SMYD3: variants seen among roughly 807,000 people sequenced by gnomAD.
The protein encoded by SMYD3 is histone-lysine N-methyltransferase SMYD3.
A neutral mutation model predicts 57.7 loss-of-function variants in SMYD3; 36 were observed. The ratio of observed to expected loss-of-function variants is 0.62; its 90% CI spans 0.48 to 0.82. The LOEUF is 0.82. SMYD3 is among the 40% of genes least tolerant of loss of function. The pLI is 0.00. For missense variants in SMYD3, 515 were observed against 538.8 expected (o/e 0.96, Z 0.44); for synonymous variants, 211 against 195.0 (o/e 1.08, Z -0.68).
At chr1:246,212,023 C>T (rs2063097429) in intron 5 of SMYD3, among the ~76,000 whole-genome samples, 1 of 151,718 alleles carries the variant, frequency 6.6e-6, no homozygotes, top group Admixed American at 6.6e-5. Flanking sequence ...ATTATATCTA[C>T]AACAGACAAA....
chr1:245,850,761 T>C (rs935053105), intron 10 of SMYD3, among the ~76,000 whole-genome samples: 2 of 152,076 alleles, frequency 1.3e-5, no homozygotes, highest in African/African-American at 4.8e-5. Context: ...AACAAAGCCA[T>C]GTCAAATGAT....
chr1:246,358,133 C>G (rs894915504), intron 1 of SMYD3, among the ~76,000 whole-genome samples: 1 of 152,116 alleles, frequency 6.6e-6, no homozygotes, highest in African/African-American at 2.4e-5. Context: ...ACATTCCATG[C>G]AAATGGGCAC....
chr1:246,273,520 C>A (rs2064268603), intron 5 of SMYD3, among the ~76,000 whole-genome samples: 1 of 146,776 alleles, frequency 6.8e-6, no homozygotes, highest in East Asian at 2.1e-4. Flanking sequence ...CATCTATCTA[C>A]AAGTTTGACA....
chr1:246,264,853 C>G (rs897149402), intron 5 of SMYD3, among the ~76,000 whole-genome samples: 1 of 152,130 alleles, frequency 6.6e-6, no homozygotes, highest in African/African-American at 2.4e-5. Flanking sequence ...TTACTAAGTG[C>G]TATGTTCTAA....
chr1:245,907,148 G>C (rs568696821), intron 8 of SMYD3, among the ~76,000 whole-genome samples: 38 of 152,116 alleles, frequency 2.5e-4, no homozygotes, highest in African/African-American at 7.7e-4. Context: ...CCTACTATTT[G>C]ATAGCACAAT....
At chr1:246,252,469 C>T (rs2063813247) in intron 5 of SMYD3, among the ~76,000 whole-genome samples, 1 of 152,112 alleles carries the variant, frequency 6.6e-6, no homozygotes, top group African/African-American at 2.4e-5. Flanking sequence ...GTCACATAGA[C>T]AGTAAGCAGT....
At chr1:246,447,723 C>T (rs1572510060) in intron 1 of SMYD3, among the ~76,000 whole-genome samples, 1 of 152,228 alleles carries the variant, frequency 6.6e-6, no homozygotes, top group Non-Finnish European at 1.5e-5. Flanking sequence ...CTTCATTCTA[C>T]ACCTTCTCCC....
chr1:246,255,753 G>A (rs1033436476), intron 5 of SMYD3, among the ~76,000 whole-genome samples: 2 of 143,888 alleles, frequency 1.4e-5, no homozygotes, highest in Admixed American at 1.4e-4. Flanking sequence ...ATCTGGCAGC[G>A]AATCCATTTG....
chr1:246,193,480 C>G (rs1379952675), intron 5 of SMYD3, among the ~76,000 whole-genome samples: 3 of 152,182 alleles, frequency 2.0e-5, no homozygotes, highest in African/African-American at 4.8e-5. Context: ...GACTAAGTCC[C>G]TACGACAAAA....
Position 246,481,607 on chromosome 1 carries a change from T to TATAC in SMYD3, c.164+25446_164+25447insGTAT, listed in dbSNP as rs1156393004. ...TTCTCAGGCTCCATATATATATATATACACATACATATATACATACATACA... is the reference window on the plus strand; with the variant it reads ...TTCTCAGGCTCCATATATATATATATATACACACATACATATATACATACATACA... On this transcript the variant is annotated intron_variant, in intron 1 of 11. Transcript: ENST00000490107. Among the ~76,000 whole-genome samples the TATAC allele has an allele frequency of 3.9e-4, 24 of 61,976 alleles. 7 individuals are homozygous for TATAC. The East Asian group carries it at 0.01, about 27-fold the overall frequency. 40.7% of individuals were successfully genotyped at this position (61,976 alleles called of 152,430 possible).
chr1:245,822,506 C>T (rs546957126), intron 10 of SMYD3, among the ~76,000 whole-genome samples: 31 of 150,988 alleles, frequency 2.1e-4, no homozygotes, highest in Non-Finnish European at 3.5e-4. Context: ...ATGTAACTAA[C>T]CTGCACAATG....
At chr1:245,898,282 G>GT (rs1172877930) in intron 8 of SMYD3, among the ~76,000 whole-genome samples, 4 of 152,108 alleles carry the variant, frequency 2.6e-5, no homozygotes, top group African/African-American at 9.7e-5. Flanking sequence ...TATTGCTGTT[G>GT]TATTACATAT....
At chr1:246,226,184 CAGA>C (rs1357094171) in intron 5 of SMYD3, among the ~76,000 whole-genome samples, 2 of 152,250 alleles carry the variant, frequency 1.3e-5, no homozygotes, top group South Asian at 2.1e-4. Flanking sequence ...ACTATGCTGA[CAGA>C]AGAAGAAGAG....
chr1:246,128,734 G>T (rs1327709815), intron 5 of SMYD3, among the ~76,000 whole-genome samples: 1 of 152,132 alleles, frequency 6.6e-6, no homozygotes, highest in Non-Finnish European at 1.5e-5. Flanking sequence ...TCTCCCTTTA[G>T]GGGGTGAAAG....
Position 246,176,460 on chromosome 1 carries a change from CTT to C in SMYD3, c.531+150739_531+150740del, listed in dbSNP as rs1035385685. On this transcript the variant is annotated intron_variant, in intron 5 of 11. Transcript: ENST00000490107. ...TGACTCTTTAAAACATTGGAAAACA[CTT>C]ACATGGTCTGACCCTCAGCAACACG... Among the ~76,000 whole-genome samples, 29 of 152,322 alleles carry C rather than the reference CTT, an allele frequency of 1.9e-4. No individual in the cohort carries two copies. In the South Asian group the frequency reaches 3.7e-3, roughly 20 times the overall value.
intron 1 of SMYD3, among the ~76,000 whole-genome samples, chr1:246,422,113 C>CAT (rs1417580932): frequency 2.6e-5 from 4 of 152,156 alleles, no homozygotes; most frequent in Admixed American, 2.6e-4. Context: ...GACAGAATAG[C>CAT]ATGACACTGT....
intron 5 of SMYD3, among the ~76,000 whole-genome samples, chr1:246,216,740 G>C (rs2063170957): frequency 6.6e-6 from 1 of 152,104 alleles, no homozygotes; most frequent in South Asian, 2.1e-4. Context: ...CATGATTTAA[G>C]TGATAAGAAA....
intron 1 of SMYD3, among the ~76,000 whole-genome samples, chr1:246,387,666 A>G (rs2148763213): frequency 6.6e-6 from 1 of 152,352 alleles, no homozygotes; most frequent in African/African-American, 2.4e-5. Context: ...GTCTCCTCGG[A>G]GGAAGAAAAC....
chr1:246,443,786 C>T (rs1342051347), intron 1 of SMYD3, among the ~76,000 whole-genome samples: 1 of 152,170 alleles, frequency 6.6e-6, no homozygotes, highest in Non-Finnish European at 1.5e-5. Flanking sequence ...ATTATTGTTG[C>T]AACCCTGCAG....
Sources: allele counts gnomAD v4.1 joint callset (sites outside exome capture counted in the v4.1 genomes callset), GRCh38; gene constraint gnomAD v4.1.1; transcripts MANE v1.5; gene names NCBI Gene and HGNC (gene_info 2026-07-23, HGNC 2026-07-21).